The following TMEM132B variants were observed in gnomAD, a reference collection of about 807,000 sequenced individuals.
TMEM132B encodes the protein transmembrane protein 132B.
Under a neutral mutation model 90.8 loss-of-function variants are expected in TMEM132B, and 18 were observed. That is an observed-to-expected ratio of 0.20 (90% CI 0.14 to 0.29). The LOEUF (loss-of-function observed/expected upper bound fraction) is 0.29, where lower values mean the gene tolerates loss of function less well. Ranked by LOEUF, TMEM132B falls within the 10% of genes least tolerant of loss-of-function variation. The pLI, the probability that TMEM132B is intolerant of heterozygous loss-of-function variation, is 1.00. For missense variants in TMEM132B, 1,096 were observed against 1,326.8 expected (o/e 0.83, Z 2.70); for synonymous variants, 504 against 523.3 (o/e 0.96, Z 0.50).
At chr12:125,639,301 A>G (rs1344975775) in intron 5 of TMEM132B, among the ~76,000 whole-genome samples, 1 of 152,238 alleles carries the variant, frequency 6.6e-6, no homozygotes, top group African/African-American at 2.4e-5. Context: ...CTCATAATAT[A>G]TGAAATCACT....
intron 1 of TMEM132B, among the ~76,000 whole-genome samples, chr12:125,189,082 G>T (rs529901932): frequency 6.6e-6 from 1 of 151,958 alleles, no homozygotes; most frequent in Non-Finnish European, 1.5e-5. Context: ...TCACACACAC[G>T]CAGGGACTGG....
intron 2 of TMEM132B, among the ~76,000 whole-genome samples, chr12:125,396,369 C>T (rs1202456956): frequency 1.3e-5 from 2 of 152,200 alleles, no homozygotes; most frequent in African/African-American, 2.4e-5. Context: ...GGGGACAGCA[C>T]TTGGACACTC....
intron 2 of TMEM132B, among the ~76,000 whole-genome samples, chr12:125,411,787 C>T (rs1276143746): frequency 1.3e-5 from 2 of 152,142 alleles, no homozygotes. Flanking sequence ...CTTGGTCTTT[C>T]CTCTGCTTGT....
At chr12:125,539,293 G>A (rs1399342539) in intron 4 of TMEM132B, among the ~76,000 whole-genome samples, 1 of 152,058 alleles carries the variant, frequency 6.6e-6, no homozygotes, top group African/African-American at 2.4e-5. Context: ...TTTCTTTTCT[G>A]GAATGGGCCA....
At chr12:125,565,853 G>A (rs569312480) in intron 4 of TMEM132B, among the ~76,000 whole-genome samples, 7 of 152,324 alleles carry the variant, frequency 4.6e-5, no homozygotes, top group Non-Finnish European at 8.8e-5. Flanking sequence ...ACTTTTGGGT[G>A]TGAAAAAAGG....
At chr12:125,302,356 T>G (rs1030644518) in intron 1 of TMEM132B, among the ~76,000 whole-genome samples, 23 of 149,058 alleles carry the variant, frequency 1.5e-4, no homozygotes, top group African/African-American at 5.4e-4. Flanking sequence ...AAGAATCAGA[T>G]CCTGTCTAAA....
At chr12:125,500,137 A>G (rs1268090957) in intron 3 of TMEM132B, among the ~76,000 whole-genome samples, 2 of 152,164 alleles carry the variant, frequency 1.3e-5, no homozygotes, top group Non-Finnish European at 2.9e-5. Flanking sequence ...CTGCCAGTCC[A>G]CCTGGGAACA....
At chr12:125,322,525 G>A (rs1346147570) in intron 1 of TMEM132B, among the ~76,000 whole-genome samples, 1 of 152,178 alleles carries the variant, frequency 6.6e-6, no homozygotes, top group African/African-American at 2.4e-5. Context: ...TGGGAAGAGG[G>A]ATTACCTGTC....
intron 3 of TMEM132B, among the ~76,000 whole-genome samples, chr12:125,439,445 G>A (rs1412863833): frequency 3.3e-5 from 5 of 152,124 alleles, no homozygotes; most frequent in Non-Finnish European, 7.4e-5. Flanking sequence ...GAATAGGACT[G>A]TGTTCCTGAT....
intron 3 of TMEM132B, among the ~76,000 whole-genome samples, chr12:125,434,755 G>A (rs1434571045): frequency 6.6e-6 from 1 of 152,202 alleles, no homozygotes; most frequent in African/African-American, 2.4e-5. Flanking sequence ...TCACCATCCT[G>A]TCTGCCTTCT....
intron 6 of TMEM132B, among the ~76,000 whole-genome samples, chr12:125,648,000 C>T (rs866618247): frequency 2.0e-5 from 3 of 149,530 alleles, no homozygotes; most frequent in Admixed American, 6.7e-5. Flanking sequence ...TGTGCTGCAC[C>T]CACTAACTCG....
rs556326170 is a variant in TMEM132B at position 125,482,675 on chromosome 12, A to T, written c.1107-36764A>T. On this transcript the variant is annotated intron_variant, in intron 3 of 8. Transcript: ENST00000682704. ...GTGTAAACTAGTTCAACCATTGTGGAAGACAGTGTGGCGATTCCTCAAGGA... is the reference window on the plus strand; with the variant it reads ...GTGTAAACTAGTTCAACCATTGTGGTAGACAGTGTGGCGATTCCTCAAGGA... Among the ~76,000 whole-genome samples the T allele has an allele frequency of 2.0e-5, 3 of 152,312 alleles. No homozygotes were observed. In the South Asian group the frequency reaches 6.2e-4, roughly 32 times the overall value.
intron 5 of TMEM132B, among the ~76,000 whole-genome samples, chr12:125,595,075 T>C (rs1885409260): frequency 6.6e-6 from 1 of 152,118 alleles, no homozygotes; most frequent in Non-Finnish European, 1.5e-5. Flanking sequence ...TACTCAGTTC[T>C]CTCCCACATG....
At position 125,409,644 on chromosome 12, in the gene TMEM132B, T is replaced by A. The variant is rs71446221; in HGVS notation, c.960-5887T>A. On this transcript the variant is annotated intron_variant, in intron 2 of 8. Coordinates refer to ENST00000682704, the MANE Select transcript of TMEM132B (RefSeq NM_001366854.1). ...GGAGGAGTGGAGTGGAGTGGAGGAG[T>A]GGAGTGGAGTGGAGTGGAGTGAGTG... Among the ~76,000 whole-genome samples the A allele has an allele frequency of 9.0e-4, 15 of 16,744 alleles. 1 individual carries two copies. Among genetic ancestry groups the A allele is most frequent in the South Asian group, 4.9e-3 (2 of 408 alleles). The allele number at this position is 16,744 out of a possible 152,430, so 11.0% of individuals were successfully genotyped here.
chr12:125,539,167 G>A (rs1319059530), intron 4 of TMEM132B, among the ~76,000 whole-genome samples: 2 of 152,196 alleles, frequency 1.3e-5, no homozygotes, highest in Non-Finnish European at 2.9e-5. Context: ...CATTGTGAAT[G>A]ACGCCATGAC....
At chr12:125,453,976 ACT>A (rs1881222806) in intron 3 of TMEM132B, among the ~76,000 whole-genome samples, 1 of 152,180 alleles carries the variant, frequency 6.6e-6, no homozygotes, top group South Asian at 2.1e-4. Context: ...ACAGGGCCAG[ACT>A]CAACAGAAGA....
chr12:125,464,530 C>T (rs1393821498), intron 3 of TMEM132B, among the ~76,000 whole-genome samples: 2 of 152,186 alleles, frequency 1.3e-5, no homozygotes, highest in African/African-American at 4.8e-5. Context: ...GTGGGCTTCT[C>T]AGGGTTGGGG....
At chr12:125,480,033 A>C (rs1333401531) in intron 3 of TMEM132B, among the ~76,000 whole-genome samples, 2 of 152,236 alleles carry the variant, frequency 1.3e-5, no homozygotes, top group African/African-American at 2.4e-5. Flanking sequence ...AAATGAAGAC[A>C]GAAATAAAGA....
chr12:125,347,755 C>T (rs1467519745), intron 1 of TMEM132B, among the ~76,000 whole-genome samples: 1 of 152,208 alleles, frequency 6.6e-6, no homozygotes, highest in Non-Finnish European at 1.5e-5. Context: ...CTGCCCTTGG[C>T]CTGCTTTGCT....
Sources: allele counts gnomAD v4.1 joint callset (sites outside exome capture counted in the v4.1 genomes callset), GRCh38; gene constraint gnomAD v4.1.1; transcripts MANE v1.5; gene names NCBI Gene and HGNC (gene_info 2026-07-23, HGNC 2026-07-21).